RNF216: variants seen among roughly 807,000 people sequenced by gnomAD.
The protein encoded by RNF216 is E3 ubiquitin-protein ligase RNF216.
In RNF216, 72 loss-of-function variants were observed where a neutral mutation model predicts 110.8. The ratio of observed to expected loss-of-function variants is 0.65; its 90% confidence interval spans 0.54 to 0.79. The LOEUF is 0.79. Among genes scored for constraint, RNF216 ranks in the 30% least tolerant of loss-of-function variants. The pLI is 0.00. For synonymous variants in RNF216, 495 were observed against 407.5 expected, an observed-to-expected ratio of 1.21 and a Z score of -2.59; for missense variants, 1,342 against 1,141.2, an observed-to-expected ratio of 1.18 and a Z score of -2.54.
Position 5,622,686 on chromosome 7 carries a change from C to T in RNF216, c.*174G>A, listed in dbSNP as rs1483301390. 13 of 646,642 alleles carry T rather than the reference C, an allele frequency of 2.0e-5. No homozygotes were observed. The highest frequency in any genetic ancestry group is 2.5e-4 in the Middle Eastern group (1 of 3,926). 40.1% of individuals were successfully genotyped at this position (646,642 alleles called of 1,614,324 possible). A position where few individuals can be genotyped will look rare whatever the true frequency, so the allele number is the denominator to read the frequency against. ...ATTTGGGACGTCTTTATTATGGATC[C>T]GTCCACTCTTCCAGGAGCAGTAGCC... On this transcript the variant is annotated 3_prime_UTR_variant, in exon 17 of 17. Coordinates refer to ENST00000389902, the MANE Select transcript of RNF216 (RefSeq NM_207111.4).
At chr7:5,652,364 T>C in intron 14 of RNF216, 49 bp downstream of exon 14, 1 of 1,327,120 alleles carries the variant, frequency 7.5e-7, no homozygotes, top group Non-Finnish European at 1.1e-6. Context: ...AGCAGGTTAA[T>C]GGGGAAGTTG....
chr7:5,683,394 A>G lies in RNF216; in HGVS notation c.2061+28367T>C, dbSNP rs562353059. On this transcript the variant is annotated intron_variant, in intron 13 of 16. Coordinates refer to ENST00000389902, the MANE Select transcript of RNF216 (RefSeq NM_207111.4). ...GAGGCTCACTGCAGCTTCCAACTCT[A>G]TTTTCCTGCAACAGTGCCCAGAGGT... Among the ~76,000 whole-genome samples the G allele has an allele frequency of 5.8e-4, 89 of 152,142 alleles. 2 individuals carry two copies. The highest frequency in any genetic ancestry group is 6.8e-3 in the Middle Eastern group (2 of 292).
chr7:5,650,103 T>G (rs566997848), intron 14 of RNF216: 49 of 152,312 alleles, frequency 3.2e-4, no homozygotes, highest in African/African-American at 1.1e-3. Context: ...GTCATCTCTA[T>G]GAAGTTCTGG....
At chr7:5,715,211 C>T (rs775738826) in intron 10 of RNF216, 21 bp from the exon 11 acceptor site, 8 of 1,609,620 alleles carry the variant, frequency 5.0e-6, no homozygotes, top group Non-Finnish European at 6.8e-6. Flanking sequence ...TCAAGAAACA[C>T]ACATGAAATG....
At chr7:5,651,900 G>A (rs911898435) in intron 14 of RNF216, among the ~76,000 whole-genome samples, 3 of 152,176 alleles carry the variant, frequency 2.0e-5, no homozygotes, top group African/African-American at 7.2e-5. Context: ...GCCAGCCTCG[G>A]CCTCCCAAAG....
chr7:5,652,356 C>T, intron 14 of RNF216, 57 bp downstream of exon 14: 2 of 1,243,366 alleles, frequency 1.6e-6, no homozygotes, highest in Non-Finnish European at 2.4e-6. Flanking sequence ...TACCAAAAAG[C>T]AGGTTAATGG....
intron 2 of RNF216, among the ~76,000 whole-genome samples, chr7:5,759,056 C>A (rs1299181288): frequency 6.6e-6 from 1 of 152,088 alleles, no homozygotes; most frequent in African/African-American, 2.4e-5. Flanking sequence ...TTAGCACAAT[C>A]CGTTCTGGTT....
intron 1 of RNF216, among the ~76,000 whole-genome samples, chr7:5,772,055 G>A (rs1379931808): frequency 6.6e-6 from 1 of 152,280 alleles, no homozygotes; most frequent in Non-Finnish European, 1.5e-5. Context: ...CCAACATGGA[G>A]AAACCCTGTC....
At chr7:5,640,182 G>C (rs1312590676) in intron 15 of RNF216, among the ~76,000 whole-genome samples, 1 of 152,004 alleles carries the variant, frequency 6.6e-6, no homozygotes, top group Non-Finnish European at 1.5e-5. Context: ...ACAGGCGTGA[G>C]CTACTGTGCC....
intron 13 of RNF216, among the ~76,000 whole-genome samples, chr7:5,658,670 A>C (rs1197976414): frequency 6.6e-6 from 1 of 151,934 alleles, no homozygotes; most frequent in Non-Finnish European, 1.5e-5. Context: ...AAAAAAAAAA[A>C]AAAAATTTTT....
intron 1 of RNF216, among the ~76,000 whole-genome samples, chr7:5,777,120 G>A (rs943289197): frequency 1.3e-5 from 2 of 150,224 alleles, no homozygotes; most frequent in Admixed American, 6.6e-5. Flanking sequence ...GAAAGAGCCA[G>A]TGGAGCCCGG....
chr7:5,687,221 C>A (rs1237855755), intron 13 of RNF216, among the ~76,000 whole-genome samples: 2 of 151,800 alleles, frequency 1.3e-5, no homozygotes, highest in African/African-American at 4.8e-5. Flanking sequence ...CATGGTGAAA[C>A]CCCATCTCTA....
chr7:5,631,386 G>A (rs1448119754), intron 15 of RNF216, among the ~76,000 whole-genome samples: 1 of 152,148 alleles, frequency 6.6e-6, no homozygotes, highest in Non-Finnish European at 1.5e-5. Flanking sequence ...CTCATCTCTT[G>A]AGCCAGAAAT....
intron 13 of RNF216, among the ~76,000 whole-genome samples, chr7:5,665,600 T>G (rs1358181808): frequency 6.6e-6 from 1 of 152,006 alleles, no homozygotes; most frequent in Non-Finnish European, 1.5e-5. Flanking sequence ...AGACACCAGC[T>G]TGACTGCTCT....
chr7:5,668,850 A>C lies in RNF216; in HGVS notation c.2062-16340T>G, dbSNP rs186515627. Among the ~76,000 whole-genome samples the C allele has an allele frequency of 3.7e-3, 563 of 152,212 alleles. 2 individuals carry two copies. The highest frequency in any genetic ancestry group is 0.013 in the African/African-American group (544 of 41,528). ...GTTCTAGTCACGGTGTATCTTCCCC[A>C]TATCTTTACTACGGGAAATAGTAAA... On this transcript the variant is annotated intron_variant, in intron 13 of 16. Transcript: ENST00000389902.
intron 16 of RNF216, 136 bp downstream of exon 16, chr7:5,623,920 G>A (rs1786548054): frequency 5.8e-6 from 4 of 691,810 alleles, no homozygotes; most frequent in Non-Finnish European, 9.7e-6. Flanking sequence ...GGTGAAGTCA[G>A]GTCTATAGCC....
At chr7:5,767,114 T>C (rs187584566) in intron 1 of RNF216, among the ~76,000 whole-genome samples, 1 of 152,366 alleles carries the variant, frequency 6.6e-6, no homozygotes, top group African/African-American at 2.4e-5. Flanking sequence ...AAAGTATTAA[T>C]AGCCTATAGT....
chr7:5,679,050 G>A (rs1389473706), intron 13 of RNF216, among the ~76,000 whole-genome samples: 1 of 152,230 alleles, frequency 6.6e-6, no homozygotes, highest in Non-Finnish European at 1.5e-5. Context: ...TAAAATTTAA[G>A]AGTACAGAGA....
At chr7:5,699,795 G>A (rs573348139) in intron 13 of RNF216, among the ~76,000 whole-genome samples, 5 of 152,342 alleles carry the variant, frequency 3.3e-5, no homozygotes, top group African/African-American at 1.2e-4. Context: ...AGATACAGAC[G>A]CACATTTTCT....
Sources: gnomAD v4.1 joint callset for allele counts (sites outside exome capture counted in the v4.1 genomes callset) on GRCh38, gnomAD v4.1.1 for gene constraint, MANE v1.5 for transcripts, NCBI Gene and HGNC (gene_info 2026-07-23, HGNC 2026-07-21) for gene names.